Variants in COBL observed in about 807,000 individuals in gnomAD.
The protein encoded by COBL is protein cordon-bleu.
COBL carries 51 observed loss-of-function variants against 98.8 expected under a neutral mutation model. The observed-to-expected ratio is 0.52, with a 90% CI of 0.41 to 0.65. The LOEUF (loss-of-function observed/expected upper bound fraction) is 0.65, where lower values mean the gene tolerates loss of function less well. COBL is among the 30% of genes least tolerant of loss of function. The probability of loss-of-function intolerance (pLI) is 0.00; values close to 1 mark genes in which losing one functional copy is unlikely to be tolerated. For synonymous variants in COBL, 634 were observed against 651.7 expected (o/e 0.97, Z 0.41); for missense variants, 1,617 against 1,617.5 (o/e 1.00, Z 0.01).
At chr7:51,240,706 C>A (rs1280192759) in intron 1 of COBL, among the ~76,000 whole-genome samples, 1 of 75,842 alleles carries the variant, frequency 1.3e-5, no homozygotes, top group African/African-American at 8.2e-5. Context: ...ACCACCACTC[C>A]TGGCTTTTTG....
intron 5 of COBL, among the ~76,000 whole-genome samples, chr7:51,153,043 C>T (rs1785723396): frequency 1.3e-5 from 2 of 152,172 alleles, no homozygotes; most frequent in Non-Finnish European, 2.9e-5. Flanking sequence ...TATTGTATAT[C>T]GTAAGGTTAA....
At chr7:51,172,511 G>C (rs1426141190) in intron 5 of COBL, 7 of 1,287,522 alleles carry the variant, frequency 5.4e-6, no homozygotes, top group Non-Finnish European at 6.1e-6. Context: ...GTCTGCACCC[G>C]ACAGCACGAG....
At position 51,246,079 on chromosome 7, in the gene COBL, T is replaced by A. The variant is rs573802959; in HGVS notation, c.42-26135A>T. On this transcript the variant is annotated intron_variant, in intron 1 of 12. Coordinates refer to ENST00000265136, the MANE Select transcript of COBL (RefSeq NM_015198.5). ...TTTTAAGTAGAAAGGCCTAAAAATA[T>A]CTAGTAGCATTTAGAAAATATTTCA... is the stretch of plus-strand genomic sequence containing the variant. Among the ~76,000 whole-genome samples, 68 of 152,326 alleles carry A rather than the reference T, an allele frequency of 4.5e-4. 1 individual carries two copies. The South Asian group carries it at 0.011, about 24-fold the overall frequency.
At chr7:51,299,163 CACAT>C (rs1054669764) in intron 1 of COBL, among the ~76,000 whole-genome samples, 1 of 152,094 alleles carries the variant, frequency 6.6e-6, no homozygotes. Context: ...TCTATGAGCA[CACAT>C]ACATACACAC....
At chr7:51,172,598 G>A (rs957688888) in intron 5 of COBL, 12 of 1,153,902 alleles carry the variant, frequency 1.0e-5, no homozygotes, top group African/African-American at 1.6e-5. Context: ...AGTCCTTAGC[G>A]ATCATTAAGG....
At chr7:51,271,317 G>A (rs1365913875) in intron 1 of COBL, among the ~76,000 whole-genome samples, 1 of 152,200 alleles carries the variant, frequency 6.6e-6, no homozygotes, top group Non-Finnish European at 1.5e-5. Context: ...CCTGCTCAAT[G>A]CACCACTTCA....
intron 4 of COBL, chr7:51,187,770 C>A: frequency 1.9e-6 from 1 of 531,046 alleles, no homozygotes; most frequent in Non-Finnish European, 2.9e-6. Flanking sequence ...ATGTCAGCCT[C>A]GCATGCACCT....
At chr7:51,118,666 G>A (rs756866086) in intron 6 of COBL, among the ~76,000 whole-genome samples, 3 of 152,030 alleles carry the variant, frequency 2.0e-5, no homozygotes, top group Admixed American at 6.6e-5. Flanking sequence ...TGTTGGTCAC[G>A]AAGACCAAAA....
chr7:51,285,534 C>T (rs1800279558), intron 1 of COBL, among the ~76,000 whole-genome samples: 1 of 151,986 alleles, frequency 6.6e-6, no homozygotes, highest in African/African-American at 2.4e-5. Context: ...AAACATCTAC[C>T]AAAAAAGTAA....
intron 7 of COBL, among the ~76,000 whole-genome samples, chr7:51,083,703 G>C (rs915489350): frequency 3.3e-5 from 5 of 152,156 alleles, no homozygotes; most frequent in African/African-American, 1.2e-4. Flanking sequence ...TATCTCCTGA[G>C]TCCATTTATA....
chr7:51,183,223 C>T (rs980002143), intron 5 of COBL, among the ~76,000 whole-genome samples: 4 of 152,134 alleles, frequency 2.6e-5, no homozygotes, highest in Admixed American at 2.6e-4. Flanking sequence ...AACTTGAGTC[C>T]CCAGTCTTCA....
intron 2 of COBL, among the ~76,000 whole-genome samples, chr7:51,201,611 C>T (rs769822674): frequency 6.6e-6 from 1 of 151,976 alleles, no homozygotes; most frequent in South Asian, 2.1e-4. Context: ...CACTATAGAC[C>T]ACATTGACCT....
intron 1 of COBL, among the ~76,000 whole-genome samples, chr7:51,233,731 C>T (rs891408108): frequency 4.6e-5 from 7 of 152,224 alleles, no homozygotes; most frequent in African/African-American, 1.2e-4. Context: ...CTTGGGGCCA[C>T]GGACTCACAT....
rs3047115 is a variant in COBL, at chr7:51,056,812, AAC to A, written c.1097-13122_1097-13121del. On this transcript the variant is annotated intron_variant, in intron 7 of 12. Coordinates refer to ENST00000265136, the MANE Select transcript of COBL (RefSeq NM_015198.5). ...CTATGCTTGTATACAGTGCTCTCCC[AAC>A]ACACACACACACACACACACACACA... 3.5e-3 allele frequency among the ~76,000 whole-genome samples: 501 copies of A among 143,648 alleles called. 3 individuals are homozygous for A. Among genetic ancestry groups the A allele is most frequent in the Non-Finnish European group, 4.7e-3 (308 of 65,612 alleles). 94.2% of individuals were successfully genotyped at this position (143,648 alleles called of 152,430 possible).
chr7:51,246,317 C>A (rs12530521), intron 1 of COBL, among the ~76,000 whole-genome samples: 9,658 of 152,182 alleles, frequency 0.063, 532 homozygotes, highest in East Asian at 0.29. Context: ...CAGCAGGGGC[C>A]GCCTCCTCTG....
intron 6 of COBL, among the ~76,000 whole-genome samples, chr7:51,102,576 T>C (rs1344415625): frequency 1.3e-5 from 2 of 152,208 alleles, no homozygotes; most frequent in Middle Eastern, 6.3e-3. Context: ...ATGCCTTTCA[T>C]CTGTACACAT....
chr7:51,024,617 C>T (rs1787317535), intron 12 of COBL, among the ~76,000 whole-genome samples: 1 of 152,120 alleles, frequency 6.6e-6, no homozygotes, highest in Non-Finnish European at 1.5e-5. Context: ...GATTCCGTAA[C>T]TGTCCAACAT....
chr7:51,191,577 T>A (rs1198227383), intron 3 of COBL, among the ~76,000 whole-genome samples: 1 of 151,096 alleles, frequency 6.6e-6, no homozygotes, highest in Non-Finnish European at 1.5e-5. Context: ...ATACTGTATA[T>A]ATGTACTATA....
rs2240089 is a variant in COBL, at chr7:51,028,339, G to C, written c.2757C>G (p.His919Gln). The change falls in exon 10 of 13, where the codon CAC (histidine) becomes CAG (glutamine). Residue 919 changes from histidine to glutamine, a missense_variant. Transcript: ENST00000265136. ...CATCCTTCCATCCTTGTGTCTCTGA[G>C]TGTGGGCTGGATGTCCTGTCATCTT... Reference protein sequence around the residue: ...TVKDDRTSSPHSETQGWKDGA... With the variant: ...TVKDDRTSSPQSETQGWKDGA... 275,662 of 1,614,138 alleles carry C rather than the reference G, an allele frequency of 0.17. 25,045 individuals carry two copies. Among genetic ancestry groups the C allele is most frequent in the East Asian group, 0.3 (13,381 of 44,860 alleles).
Sources: gnomAD v4.1 joint callset for allele counts (sites outside exome capture counted in the v4.1 genomes callset) on GRCh38, gnomAD v4.1.1 for gene constraint, MANE v1.5 for transcripts, NCBI Gene and HGNC (gene_info 2026-07-23, HGNC 2026-07-21) for gene names.